NALF1: variants seen among roughly 807,000 people sequenced by gnomAD.
The protein encoded by NALF1 is NALCN channel auxiliary factor 1.
In NALF1, 3 loss-of-function variants were observed where a neutral mutation model predicts 48.4. The ratio of observed to expected loss-of-function variants is 0.06; its 90% confidence interval spans 0.03 to 0.16. The LOEUF is 0.16. Among genes scored for constraint, NALF1 ranks in the 10% least tolerant of loss-of-function variants. The pLI is 1.00. For missense variants in NALF1, 526 were observed against 571.5 expected (o/e 0.92, Z 0.81); for synonymous variants, 262 against 245.7 (o/e 1.07, Z -0.62).
At chr13:107,641,809 G>C (rs188218433) in intron 1 of NALF1, among the ~76,000 whole-genome samples, 1 of 152,228 alleles carries the variant, frequency 6.6e-6, no homozygotes, top group East Asian at 1.9e-4. Flanking sequence ...CAAGAATCTA[G>C]GGGGATTTAT....
chr13:107,681,486 A>T (rs183461419), intron 1 of NALF1, among the ~76,000 whole-genome samples: 47 of 58,566 alleles, frequency 8.0e-4, no homozygotes, highest in African/African-American at 2.7e-3. Context: ...AGAAAAGTTT[A>T]AAAAAAAATC....
At chr13:107,409,922 C>A (rs929630613) in intron 1 of NALF1, among the ~76,000 whole-genome samples, 1 of 152,162 alleles carries the variant, frequency 6.6e-6, no homozygotes, top group Non-Finnish European at 1.5e-5. Context: ...TAGTTCAGGG[C>A]AAACCCAATC....
chr13:107,526,135 T>C (rs1328876141), intron 1 of NALF1, among the ~76,000 whole-genome samples: 5 of 152,096 alleles, frequency 3.3e-5, no homozygotes, highest in Non-Finnish European at 7.4e-5. Context: ...TTTAACTGTC[T>C]TTTTTTACCA....
intron 1 of NALF1, among the ~76,000 whole-genome samples, chr13:107,339,142 A>G (rs955656458): frequency 2.7e-5 from 4 of 148,520 alleles, no homozygotes; most frequent in African/African-American, 7.3e-5. Context: ...TCAGAAGAAA[A>G]AAAAAAAAAA....
In NALF1 at chr13:107,867,123, CCCTCCT is replaced by C. The variant is rs989584833; in HGVS notation, c.-533_-528del. Among the ~76,000 whole-genome samples the C allele has an allele frequency of 3.9e-4, 59 of 151,352 alleles. No individual in the cohort carries two copies. Among genetic ancestry groups the C allele is most frequent in the African/African-American group, 9.7e-4 (40 of 41,306 alleles). ...CCACTGACGGCGCCCGGAGCGCCTC[CCCTCCT>C]CCTCCTCCTCCTCCTCTTCTTCTCC... On this transcript the variant is annotated 5_prime_UTR_variant, in exon 1 of 3. Coordinates refer to ENST00000375915, the MANE Select transcript of NALF1 (RefSeq NM_001080396.3). This position sits in a 1 kb window ranked among gnomAD's most constrained non-coding sequence, Gnocchi z 4.4.
At chr13:107,312,819 T>C (rs966488803) in intron 1 of NALF1, among the ~76,000 whole-genome samples, 4 of 152,180 alleles carry the variant, frequency 2.6e-5, no homozygotes, top group Admixed American at 1.3e-4. Flanking sequence ...CAGAGTACTA[T>C]GGAAAAATGT....
At chr13:107,681,772 T>G (rs571637059) in intron 1 of NALF1, among the ~76,000 whole-genome samples, 17 of 152,256 alleles carry the variant, frequency 1.1e-4, no homozygotes, top group Non-Finnish European at 2.4e-4. Context: ...TCCCCCTCCT[T>G]CCTCCTGTCA....
intron 1 of NALF1, among the ~76,000 whole-genome samples, chr13:107,764,427 A>G (rs1877365929): frequency 6.6e-6 from 1 of 152,086 alleles, no homozygotes; most frequent in South Asian, 2.1e-4. Flanking sequence ...TAACACTTAT[A>G]CATCTGTGTG....
At chr13:107,620,327 A>G (rs1879486861) in intron 1 of NALF1, among the ~76,000 whole-genome samples, 1 of 152,206 alleles carries the variant, frequency 6.6e-6, no homozygotes, top group Non-Finnish European at 1.5e-5. Flanking sequence ...GACCCATCAA[A>G]CACTAATAGA....
At chr13:107,859,871 C>T (rs534664957) in intron 1 of NALF1, among the ~76,000 whole-genome samples, 8 of 144,376 alleles carry the variant, frequency 5.5e-5, no homozygotes, top group South Asian at 2.2e-4. Flanking sequence ...GCTGAGATCA[C>T]GCCACTGCAC....
chr13:107,228,056 T>C (rs180790857), intron 1 of NALF1, among the ~76,000 whole-genome samples: 2 of 152,322 alleles, frequency 1.3e-5, no homozygotes, highest in African/African-American at 4.8e-5. Flanking sequence ...ACCAGATATA[T>C]TGCAAGGAGT....
At chr13:107,438,997 G>T (rs1884512216) in intron 1 of NALF1, among the ~76,000 whole-genome samples, 1 of 151,784 alleles carries the variant, frequency 6.6e-6, no homozygotes, top group Non-Finnish European at 1.5e-5. Context: ...ATTCAGAAAT[G>T]TCATGTATTA....
At chr13:107,441,804 C>T (rs907833425) in intron 1 of NALF1, among the ~76,000 whole-genome samples, 1 of 152,122 alleles carries the variant, frequency 6.6e-6, no homozygotes, top group African/African-American at 2.4e-5. Context: ...CAATCTGCCC[C>T]TCTAGGGGTA....
At chr13:107,380,971 C>T (rs1476714289) in intron 1 of NALF1, among the ~76,000 whole-genome samples, 2 of 127,796 alleles carry the variant, frequency 1.6e-5, no homozygotes, top group Admixed American at 8.7e-5. Flanking sequence ...GAGCCAGACA[C>T]GGTCTCAAAA....
intron 1 of NALF1, among the ~76,000 whole-genome samples, chr13:107,239,785 C>G (rs1208280690): frequency 6.6e-6 from 1 of 151,986 alleles, no homozygotes; most frequent in East Asian, 1.9e-4. Flanking sequence ...ATAGAAACAC[C>G]ACCAACACAC....
intron 1 of NALF1, among the ~76,000 whole-genome samples, chr13:107,777,102 A>G (rs1756415420): frequency 6.6e-6 from 1 of 152,094 alleles, no homozygotes; most frequent in South Asian, 2.1e-4. Context: ...AAACAAACGA[A>G]CGAACAAAAA....
intron 1 of NALF1, among the ~76,000 whole-genome samples, chr13:107,711,639 C>T (rs929359469): frequency 2.0e-5 from 3 of 152,196 alleles, no homozygotes; most frequent in Admixed American, 2.0e-4. Context: ...CCAAGAAAAG[C>T]ACCTGCCTTC....
chr13:107,729,085 C>T (rs1212877595), intron 1 of NALF1, among the ~76,000 whole-genome samples: 1 of 152,064 alleles, frequency 6.6e-6, no homozygotes, highest in Non-Finnish European at 1.5e-5. Flanking sequence ...CTATGGACCA[C>T]CAACTACACA....
At chr13:107,552,393 G>C (rs1025079668) in intron 1 of NALF1, among the ~76,000 whole-genome samples, 1 of 152,012 alleles carries the variant, frequency 6.6e-6, no homozygotes, top group East Asian at 1.9e-4. Context: ...TTAATGCATC[G>C]GGCAAATTGT....
Sources: allele counts gnomAD v4.1 joint callset (sites outside exome capture counted in the v4.1 genomes callset), GRCh38; gene constraint gnomAD v4.1.1; non-coding constraint Gnocchi (gnomAD v3.1); transcripts MANE v1.5; gene names NCBI Gene and HGNC (gene_info 2026-07-23, HGNC 2026-07-21).